ANKFN1: variants seen among roughly 807,000 people sequenced by gnomAD.
ANKFN1 encodes ankyrin repeat and fibronectin type-III domain-containing protein 1.
ANKFN1 carries 74 observed loss-of-function variants against 108.7 expected under a neutral mutation model. The observed-to-expected ratio is 0.68, with a 90% CI of 0.56 to 0.83. The LOEUF is 0.83. ANKFN1 is among the 40% of genes least tolerant of loss of function. The pLI is 0.00. For synonymous variants in ANKFN1, 547 were observed against 516.2 expected, an observed-to-expected ratio of 1.06 and a Z score of -0.81; for missense variants, 1,505 against 1,382.3, an observed-to-expected ratio of 1.09 and a Z score of -1.41.
intron 20 of ANKFN1, among the ~76,000 whole-genome samples, chr17:56,509,449 C>T (rs989923374): frequency 2.0e-5 from 3 of 152,162 alleles, no homozygotes; most frequent in African/African-American, 7.2e-5. Context: ...TGTAATGACC[C>T]AGCTAAGCCA....
rs532063852 is a variant in ANKFN1, at chr17:56,189,170, C to CTTTTTTTTTTTT, written c.-70-23421_-70-23410dup. 2.1e-3 allele frequency among the ~76,000 whole-genome samples: 182 copies of CTTTTTTTTTTTT among 85,210 alleles called. 19 individuals are homozygous for CTTTTTTTTTTTT. Among genetic ancestry groups the CTTTTTTTTTTTT allele is most frequent in the East Asian group, 6.4e-3 (13 of 2,020 alleles). The allele number at this position is 85,210 out of a possible 152,430, so 55.9% of individuals were successfully genotyped here. A position where few individuals can be genotyped will look rare whatever the true frequency, so the allele number is the denominator to read the frequency against. ...CCTAAGTAAGTAAATGTTGCCCTGA[C>CTTTTTTTTTTTT]TTTTTTTTTTTTTTTTTTGAGACGG... On this transcript the variant is annotated intron_variant, in intron 1 of 20. Coordinates refer to ENST00000682825, the MANE Select transcript of ANKFN1 (RefSeq NM_001370326.1).
chr17:56,083,251 A>G (rs911636008), intron 4 of ANKFN1, among the ~76,000 whole-genome samples: 1 of 151,396 alleles, frequency 6.6e-6, no homozygotes, highest in Non-Finnish European at 1.5e-5. Flanking sequence ...AGGTCACTAA[A>G]ACAAAATGGA....
chr17:56,211,277 G>T (rs935675145), intron 1 of ANKFN1, among the ~76,000 whole-genome samples: 51 of 152,016 alleles, frequency 3.4e-4, no homozygotes, highest in African/African-American at 1.1e-3. Flanking sequence ...GTTGATTTTT[G>T]TATAGGGTGA....
At chr17:56,464,491 G>T (rs192622575) in intron 14 of ANKFN1, among the ~76,000 whole-genome samples, 1 of 152,226 alleles carries the variant, frequency 6.6e-6, no homozygotes, top group Admixed American at 6.5e-5. Flanking sequence ...ACCAATACAT[G>T]CAGTAAAGCC....
intron 4 of ANKFN1, among the ~76,000 whole-genome samples, chr17:56,139,442 A>G (rs1264762676): frequency 6.6e-6 from 1 of 152,160 alleles, no homozygotes; most frequent in Non-Finnish European, 1.5e-5. Context: ...ATGTTGTGCC[A>G]TTAGAATCAG....
chr17:56,214,273 T>C (rs1297193181), intron 2 of ANKFN1, among the ~76,000 whole-genome samples: 1 of 152,194 alleles, frequency 6.6e-6, no homozygotes, highest in Non-Finnish European at 1.5e-5. Context: ...CAAATGTGCG[T>C]TAATAAGAAT....
intron 1 of ANKFN1, among the ~76,000 whole-genome samples, chr17:56,159,033 C>CAAAAAAAAAAAAAAA (rs57878541): frequency 2.8e-5 from 2 of 71,014 alleles, no homozygotes; most frequent in Non-Finnish European, 5.1e-5. Context: ...TGGTCTAGGC[C>CAAAAAAAAAAAAAAA]AAAAAAAAAA....
intron 8 of ANKFN1, among the ~76,000 whole-genome samples, chr17:56,407,169 C>A (rs549382571): frequency 6.6e-6 from 1 of 152,060 alleles, no homozygotes; most frequent in Non-Finnish European, 1.5e-5. Context: ...AATTATTTTA[C>A]CAGAGTAAAC....
At chr17:56,385,820 A>T (rs1357565608) in intron 8 of ANKFN1, among the ~76,000 whole-genome samples, 1 of 152,220 alleles carries the variant, frequency 6.6e-6, no homozygotes, top group African/African-American at 2.4e-5. Flanking sequence ...GTCAGGAAAC[A>T]ACAGATGCTG....
intron 2 of ANKFN1, among the ~76,000 whole-genome samples, chr17:56,223,298 A>G (rs1916014364): frequency 6.6e-6 from 1 of 152,248 alleles, no homozygotes; most frequent in Non-Finnish European, 1.5e-5. Flanking sequence ...GTGCTTCAAA[A>G]TAAATCTGTG....
At chr17:56,343,416 T>C (rs1311450746) in intron 4 of ANKFN1, among the ~76,000 whole-genome samples, 1 of 151,978 alleles carries the variant, frequency 6.6e-6, no homozygotes, top group Non-Finnish European at 1.5e-5. Flanking sequence ...GATTATGTTT[T>C]ACCACTTCTT....
intron 6 of ANKFN1, among the ~76,000 whole-genome samples, chr17:56,357,028 G>A (rs903769461): frequency 5.3e-5 from 8 of 152,090 alleles, no homozygotes; most frequent in African/African-American, 1.9e-4. Context: ...TAAACCAAAA[G>A]CAAATTTGTT....
chr17:56,292,420 C>G (rs959548235), intron 3 of ANKFN1, among the ~76,000 whole-genome samples: 8 of 152,058 alleles, frequency 5.3e-5, no homozygotes, highest in Non-Finnish European at 1.0e-4. Flanking sequence ...AAGGACCGTG[C>G]CTGGGGGAAA....
chr17:56,315,422 A>G (rs762506962), intron 3 of ANKFN1, among the ~76,000 whole-genome samples: 2 of 152,210 alleles, frequency 1.3e-5, no homozygotes, highest in South Asian at 4.1e-4. Flanking sequence ...TGCGTGAAAC[A>G]CTGTGACTCC....
At chr17:56,082,208 C>T (rs879438263) in intron 4 of ANKFN1, among the ~76,000 whole-genome samples, 23 of 152,180 alleles carry the variant, frequency 1.5e-4, no homozygotes, top group Non-Finnish European at 3.1e-4. Context: ...GGAAACTAGA[C>T]CTCAGTTCAT....
chr17:56,433,151 C>G (rs1057420077), intron 8 of ANKFN1, among the ~76,000 whole-genome samples: 1 of 152,012 alleles, frequency 6.6e-6, no homozygotes, highest in Non-Finnish European at 1.5e-5. Context: ...ATTGTAGATT[C>G]TTTATCACCC....
chr17:56,110,676 TA>T (rs1905911877), intron 4 of ANKFN1, among the ~76,000 whole-genome samples: 1 of 152,214 alleles, frequency 6.6e-6, no homozygotes, highest in South Asian at 2.1e-4. Context: ...AGGCCAAGAC[TA>T]AACTCTGGGT....
intron 4 of ANKFN1, among the ~76,000 whole-genome samples, chr17:56,065,346 A>G (rs1255564144): frequency 6.6e-6 from 1 of 152,182 alleles, no homozygotes; most frequent in Non-Finnish European, 1.5e-5. Flanking sequence ...CTTTCTCCAT[A>G]TCAGCAGTAA....
At chr17:56,166,934 G>A (rs1329556815) in intron 1 of ANKFN1, among the ~76,000 whole-genome samples, 2 of 152,010 alleles carry the variant, frequency 1.3e-5, no homozygotes, top group Non-Finnish European at 2.9e-5. Flanking sequence ...CTTCCCATTA[G>A]TTGTCATGAG....
Sources: gnomAD v4.1 joint callset for allele counts (sites outside exome capture counted in the v4.1 genomes callset) on GRCh38, gnomAD v4.1.1 for gene constraint, MANE v1.5 for transcripts, NCBI Gene and HGNC (gene_info 2026-07-23, HGNC 2026-07-21) for gene names.